The following NSG2 variants were observed in gnomAD, a reference collection of about 807,000 sequenced individuals.
NSG2 encodes the protein neuronal vesicle trafficking associated 2, also known as neuronal vesicle trafficking-associated protein 2.
Under a neutral mutation model 16.9 loss-of-function variants are expected in NSG2, and 4 were observed. The ratio of observed to expected loss-of-function variants is 0.24; its 90% confidence interval spans 0.12 to 0.54. NSG2 has a LOEUF of 0.54. Among genes scored for constraint, NSG2 ranks in the 20% least tolerant of loss-of-function variants. The pLI is 0.95. For missense variants in NSG2, 179 were observed against 221.1 expected, an observed-to-expected ratio of 0.81 and a Z score of 1.21; for synonymous variants, 98 against 88.7, an observed-to-expected ratio of 1.11 and a Z score of -0.59.
chr5:174,083,881 T>C (rs998738874), intron 3 of NSG2, among the ~76,000 whole-genome samples: 1 of 152,212 alleles, frequency 6.6e-6, no homozygotes, highest in Admixed American at 6.5e-5. Flanking sequence ...TCACTCCCTT[T>C]GTACAGAAGA....
chr5:174,089,030 T>C (rs936982292), intron 3 of NSG2, among the ~76,000 whole-genome samples: 2 of 152,204 alleles, frequency 1.3e-5, no homozygotes, highest in East Asian at 1.9e-4. Context: ...TTGAAGGGGC[T>C]GAGTGGATGT....
chr5:174,070,096 C>T (rs1157249950), intron 3 of NSG2, among the ~76,000 whole-genome samples: 2 of 151,908 alleles, frequency 1.3e-5, no homozygotes, highest in Non-Finnish European at 2.9e-5. Flanking sequence ...CTTTGTTGCT[C>T]AGGCTGGTTT....
chr5:174,076,536 A>G (rs1760346651), intron 3 of NSG2, among the ~76,000 whole-genome samples: 1 of 152,130 alleles, frequency 6.6e-6, no homozygotes, highest in African/African-American at 2.4e-5. Flanking sequence ...TTTATATTGC[A>G]TTTCTCTGAG....
intron 2 of NSG2, among the ~76,000 whole-genome samples, chr5:174,049,083 T>G (rs1220602640): frequency 6.6e-6 from 1 of 151,958 alleles, no homozygotes; most frequent in Non-Finnish European, 1.5e-5. Context: ...CTCATGCCTG[T>G]AATCCCAGCA....
At chr5:174,083,413 G>C (rs1760529775) in intron 3 of NSG2, among the ~76,000 whole-genome samples, 1 of 152,212 alleles carries the variant, frequency 6.6e-6, no homozygotes, top group African/African-American at 2.4e-5. Context: ...AATCAATTGT[G>C]TTTCTCGGCT....
intron 2 of NSG2, 116 bp from the exon 3 acceptor site, chr5:174,064,116 G>C: frequency 1.5e-6 from 1 of 656,414 alleles, no homozygotes; most frequent in Non-Finnish European, 2.6e-6. Flanking sequence ...TTTGAAGGGG[G>C]GTTCTTTATT....
At chr5:174,092,256 C>T (rs1400378352) in intron 3 of NSG2, among the ~76,000 whole-genome samples, 1 of 152,244 alleles carries the variant, frequency 6.6e-6, no homozygotes, top group African/African-American at 2.4e-5. Context: ...GGGCTTTCAG[C>T]CCCACCATGC....
intron 3 of NSG2, among the ~76,000 whole-genome samples, chr5:174,101,515 T>C (rs533701631): frequency 1.3e-5 from 2 of 152,318 alleles, no homozygotes; most frequent in African/African-American, 4.8e-5. Flanking sequence ...GTGCATTTCC[T>C]CATTCTGGGA....
intron 3 of NSG2, among the ~76,000 whole-genome samples, chr5:174,075,010 G>A (rs1466021554): frequency 2.0e-5 from 3 of 152,024 alleles, no homozygotes; most frequent in Non-Finnish European, 4.4e-5. Flanking sequence ...TGAAAAGAGG[G>A]CTTCCTAAAG....
chr5:174,102,831 T>A (rs921852471), intron 3 of NSG2, among the ~76,000 whole-genome samples: 3 of 151,402 alleles, frequency 2.0e-5, no homozygotes, highest in African/African-American at 7.3e-5. Flanking sequence ...CAGCCTGGAG[T>A]GCTGTGGCAC....
intron 1 of NSG2, among the ~76,000 whole-genome samples, chr5:174,046,457 C>T (rs1759797767): frequency 6.6e-6 from 1 of 152,082 alleles, no homozygotes. Flanking sequence ...TTGTTTTACA[C>T]TTATATTTTT....
intron 4 of NSG2, 93 bp downstream of exon 4, chr5:174,104,431 T>G (rs1337783938): frequency 4.6e-6 from 4 of 870,094 alleles, no homozygotes; most frequent in Non-Finnish European, 7.7e-6. Flanking sequence ...ATTCTGGGTA[T>G]GACGACCTCT....
chr5:174,046,981 C>A, intron 2 of NSG2, 97 bp downstream of exon 2: 1 of 1,240,140 alleles, frequency 8.1e-7, no homozygotes, highest in Non-Finnish European at 1.1e-6. Flanking sequence ...CTTTCATTCT[C>A]TTATCTGCCA....
At chr5:174,047,857 G>T (rs1016572229) in intron 2 of NSG2, among the ~76,000 whole-genome samples, 1 of 152,180 alleles carries the variant, frequency 6.6e-6, no homozygotes, top group African/African-American at 2.4e-5. Context: ...GGAGAGACTT[G>T]GAGGCCAATG....
chr5:174,100,318 C>G (rs1268960038), intron 3 of NSG2, among the ~76,000 whole-genome samples: 1 of 152,228 alleles, frequency 6.6e-6, no homozygotes, highest in Non-Finnish European at 1.5e-5. Flanking sequence ...GACTGCACCC[C>G]CAGAGATTCT....
At chr5:174,048,498 T>C (rs1220321278) in intron 2 of NSG2, among the ~76,000 whole-genome samples, 5 of 152,186 alleles carry the variant, frequency 3.3e-5, no homozygotes, top group Non-Finnish European at 5.9e-5. Context: ...TAAGTAGAAA[T>C]GTTGGAGTTT....
chr5:174,089,872 C>T (rs80320219), intron 3 of NSG2, among the ~76,000 whole-genome samples: 4,387 of 152,128 alleles, frequency 0.029, 66 homozygotes, highest in Non-Finnish European at 0.035. Flanking sequence ...ACTCCTGCCT[C>T]GACCTCCCAA....
intron 3 of NSG2, among the ~76,000 whole-genome samples, chr5:174,068,844 A>T (rs1581224027): frequency 8.0e-6 from 1 of 124,640 alleles, no homozygotes; most frequent in Non-Finnish European, 1.7e-5. Flanking sequence ...TCCTGGTGCT[A>T]TGGAAGGTGC....
chr5:174,082,235 C>T (rs952000174), intron 3 of NSG2: 2 of 152,174 alleles, frequency 1.3e-5, no homozygotes, highest in Non-Finnish European at 1.5e-5. Context: ...GCTTCCATGT[C>T]CGGAGCCTTG....
Sources: allele counts gnomAD v4.1 joint callset (sites outside exome capture counted in the v4.1 genomes callset), GRCh38; gene constraint gnomAD v4.1.1; transcripts MANE v1.5; gene names NCBI Gene and HGNC (gene_info 2026-07-23, HGNC 2026-07-21).